The following UTRN variants were observed in gnomAD, a reference collection of about 807,000 sequenced individuals.
The protein encoded by UTRN is dystrophin-related protein 1.
In UTRN, 283 loss-of-function variants were observed where a neutral mutation model predicts 463.9. The ratio of observed to expected loss-of-function variants is 0.61; its 90% CI spans 0.55 to 0.67. UTRN has a LOEUF of 0.67. Among genes scored for constraint, UTRN ranks in the 30% least tolerant of loss-of-function variants. The pLI, the probability that UTRN is intolerant of heterozygous loss-of-function variation, is 0.00. For missense variants in UTRN, 3,922 were observed against 4,084.3 expected (o/e 0.96, Z 1.08); for synonymous variants, 1,442 against 1,431.5 (o/e 1.01, Z -0.17).
At chr6:144,649,336 A>G (rs1300046433) in intron 51 of UTRN, among the ~76,000 whole-genome samples, 1 of 152,188 alleles carries the variant, frequency 6.6e-6, no homozygotes, top group Non-Finnish European at 1.5e-5. Context: ...TGGCACCTTG[A>G]AAGTTAGGAG....
intron 51 of UTRN, among the ~76,000 whole-genome samples, chr6:144,612,190 G>C (rs1242077941): frequency 2.6e-5 from 4 of 151,992 alleles, no homozygotes; most frequent in Non-Finnish European, 5.9e-5. Context: ...AATGAAAGTA[G>C]ACCCCTATCT....
intron 61 of UTRN, among the ~76,000 whole-genome samples, chr6:144,786,887 C>T (rs1776341767): frequency 6.6e-6 from 1 of 152,054 alleles, no homozygotes; most frequent in South Asian, 2.1e-4. Context: ...GTGAGTTCAT[C>T]GGGGTAGGAA....
intron 2 of UTRN, among the ~76,000 whole-genome samples, chr6:144,340,031 G>T (rs556373560): frequency 1.3e-5 from 2 of 152,202 alleles, no homozygotes; most frequent in Admixed American, 1.3e-4. Flanking sequence ...GCCGGGCATG[G>T]TGGTGCCCAC....
chr6:144,350,509 C>T (rs1400377354), intron 2 of UTRN, among the ~76,000 whole-genome samples: 1 of 152,180 alleles, frequency 6.6e-6, no homozygotes, highest in African/African-American at 2.4e-5. Context: ...TCTTCGCTTA[C>T]TTGGGCAATT....
chr6:144,378,645 T>C (rs544047283), intron 2 of UTRN, among the ~76,000 whole-genome samples: 150 of 152,310 alleles, frequency 9.8e-4, no homozygotes, highest in Admixed American at 2.5e-3. Context: ...GTCAGTGTGC[T>C]GGAGCAAACT....
intron 34 of UTRN, among the ~76,000 whole-genome samples, chr6:144,508,653 A>G (rs1794907398): frequency 6.6e-6 from 1 of 152,220 alleles, no homozygotes; most frequent in African/African-American, 2.4e-5. Flanking sequence ...TGGGAGCTGC[A>G]GACTGGAGCT....
chr6:144,326,223 CATTTT>C (rs1333514213), intron 2 of UTRN, among the ~76,000 whole-genome samples: 2 of 151,554 alleles, frequency 1.3e-5, no homozygotes, highest in African/African-American at 4.9e-5. Flanking sequence ...TTTATTAAAA[CATTTT>C]ATTGATAGTA....
At chr6:144,574,446 C>A (rs1801240396) in intron 50 of UTRN, among the ~76,000 whole-genome samples, 1 of 152,128 alleles carries the variant, frequency 6.6e-6, no homozygotes, top group Admixed American at 6.5e-5. Context: ...TCCATTGTAT[C>A]CCTGTACCAA....
chr6:144,459,981 G>A (rs1343710477), intron 21 of UTRN, among the ~76,000 whole-genome samples: 1 of 151,098 alleles, frequency 6.6e-6, no homozygotes, highest in African/African-American at 2.4e-5. Flanking sequence ...TACCTGACCT[G>A]GATATAATGA....
Position 144,836,356 on chromosome 6 carries a change from C to T in UTRN, c.9880C>T (p.Pro3294Ser), listed in dbSNP as rs1405067654. The change falls in exon 71 of 75, where the codon CCT (proline) becomes TCT (serine). Residue 3294 changes from proline to serine, a missense_variant. Pro to Ser is a moderately conservative substitution (Grantham distance 74). This residue lies in a region of UTRN where 1,309 missense variants were observed against 1,452.6 expected (regional missense o/e 0.90). Coordinates refer to ENST00000367545, the MANE Select transcript of UTRN (RefSeq NM_007124.3). The stretch of plus-strand genomic sequence containing the variant: ...GGACCAGCACCTCCGAAGGGGGCTC[C>T]CTGTCGGTTCACCGCCAGAGTCGAT... The part of the protein sequence containing the change: ...LKDQHLRRGL[P>S]VGSPPESIIS... 8.7e-6 allele frequency: 14 copies of T among 1,614,096 alleles called. No homozygotes were observed. Among genetic ancestry groups the T allele is most frequent in the Non-Finnish European group, 1.2e-5 (14 of 1,179,980 alleles).
At position 144,493,148 on chromosome 6, in the gene UTRN, G is replaced by A. The variant is rs193040652; in HGVS notation, c.4438-153G>A. On this transcript the variant is annotated intron_variant, in intron 32 of 74. Transcript: ENST00000367545. ...TTACAAGCTTGATTTCATTTGACTCGACCTTCAGACCAAATCTGAGAAAGA... is the reference window on the plus strand; with the variant it reads ...TTACAAGCTTGATTTCATTTGACTCAACCTTCAGACCAAATCTGAGAAAGA... 1.4e-3 allele frequency among the ~76,000 whole-genome samples: 218 copies of A among 152,228 alleles called. 2 individuals carry two copies. The highest frequency in any genetic ancestry group is 4.9e-3 in the African/African-American group (204 of 41,540).
At position 144,713,614 on chromosome 6, in the gene UTRN, C is replaced by CA. The variant is rs59879676; in HGVS notation, c.7809+13382dup. Among the ~76,000 whole-genome samples the CA allele has an allele frequency of 1.4e-3, 197 of 136,464 alleles. 1 individual carries two copies. The highest frequency in any genetic ancestry group is 2.8e-3 in the South Asian group (12 of 4,234). 89.5% of individuals were successfully genotyped at this position (136,464 alleles called of 152,430 possible). On this transcript the variant is annotated intron_variant, in intron 53 of 74. Coordinates refer to ENST00000367545, the MANE Select transcript of UTRN (RefSeq NM_007124.3). ...GGGCAACAAGAGCGAAACTCTGTCTCAAAAAAAAAAATAAATAAATAAAAA... is the reference window on the plus strand; with the variant it reads ...GGGCAACAAGAGCGAAACTCTGTCTCAAAAAAAAAAAATAAATAAATAAAAA...
chr6:144,445,466 GA>G (rs970657622), intron 14 of UTRN, among the ~76,000 whole-genome samples: 1 of 151,838 alleles, frequency 6.6e-6, no homozygotes, highest in Non-Finnish European at 1.5e-5. Context: ...CTCTTCAGGG[GA>G]AAAAACTCAA....
intron 18 of UTRN, among the ~76,000 whole-genome samples, chr6:144,452,415 A>G (rs1297420902): frequency 1.3e-5 from 2 of 152,156 alleles, no homozygotes; most frequent in African/African-American, 4.8e-5. Context: ...TTGTGTTATG[A>G]TGGATACTAT....
intron 63 of UTRN, among the ~76,000 whole-genome samples, chr6:144,795,649 G>T (rs890526766): frequency 2.0e-5 from 3 of 152,024 alleles, no homozygotes; most frequent in African/African-American, 7.2e-5. Flanking sequence ...TTCTATGTTT[G>T]TTGGCTGCAT....
At chr6:144,843,715 C>G (rs1171202105) in intron 73 of UTRN, among the ~76,000 whole-genome samples, 1 of 152,142 alleles carries the variant, frequency 6.6e-6, no homozygotes, top group Non-Finnish European at 1.5e-5. Context: ...GTTTATGGAG[C>G]CCTGAGATTC....
intron 54 of UTRN, among the ~76,000 whole-genome samples, chr6:144,732,261 C>CATATATATATATATATATAT (rs1562832840): frequency 8.2e-6 from 1 of 122,664 alleles, no homozygotes; most frequent in African/African-American, 3.3e-5. Context: ...TATATATACA[C>CATATATATATATATATATAT]ACATATATAT....
chr6:144,554,632 T>C, intron 48 of UTRN, 56 bp from the exon 49 acceptor site: 1 of 1,574,258 alleles, frequency 6.4e-7, no homozygotes, highest in Non-Finnish European at 8.7e-7. Context: ...ATATTTTTTC[T>C]TTCTCCTGAG....
chr6:144,555,073 G>A (rs949939083), intron 49 of UTRN, among the ~76,000 whole-genome samples, 180 bp downstream of exon 49: 2 of 151,980 alleles, frequency 1.3e-5, no homozygotes, highest in Non-Finnish European at 2.9e-5. Flanking sequence ...ATTTCTGGAG[G>A]CATAACAAGT....
Sources: gnomAD v4.1 joint callset for allele counts (sites outside exome capture counted in the v4.1 genomes callset) on GRCh38, gnomAD v4.1.1 for gene constraint, gnomAD v4.1.1 regional missense constraint, MANE v1.5 for transcripts, NCBI Gene and HGNC (gene_info 2026-07-23, HGNC 2026-07-21) for gene names.